The following STXBP5L variants were observed in gnomAD, a reference collection of about 807,000 sequenced individuals.
STXBP5L encodes the protein syntaxin binding protein 5L, also known as syntaxin-binding protein 5-like.
A neutral mutation model predicts 144.5 loss-of-function variants in STXBP5L; 65 were observed. The observed-to-expected ratio is 0.45, with a 90% CI of 0.37 to 0.55. STXBP5L has a LOEUF of 0.55. Ranked by LOEUF, STXBP5L falls within the 20% of genes least tolerant of loss-of-function variation. STXBP5L has a pLI of 0.00. For synonymous variants in STXBP5L, 505 were observed against 469.6 expected, an observed-to-expected ratio of 1.08 and a Z score of -0.97; for missense variants, 1,298 against 1,405.5, an observed-to-expected ratio of 0.92 and a Z score of 1.22.
At chr3:121,414,502 ATTTAT>A (rs1377701481) in intron 24 of STXBP5L, among the ~76,000 whole-genome samples, 1 of 152,126 alleles carries the variant, frequency 6.6e-6, no homozygotes, top group Non-Finnish European at 1.5e-5. Context: ...CTGGATATAT[ATTTAT>A]TTTGTGTGTC....
At chr3:121,202,735 T>C (rs190618633) in intron 9 of STXBP5L, among the ~76,000 whole-genome samples, 74 of 152,226 alleles carry the variant, frequency 4.9e-4, no homozygotes, top group African/African-American at 1.8e-3. Flanking sequence ...CACATTCCAT[T>C]GCCTTTCAGC....
chr3:121,399,595 G>C (rs1351774083), intron 22 of STXBP5L, among the ~76,000 whole-genome samples: 1 of 152,210 alleles, frequency 6.6e-6, no homozygotes, highest in Non-Finnish European at 1.5e-5. Context: ...GAAATGAAGG[G>C]ATGGGCTGAA....
rs899114447 is a variant in STXBP5L at position 121,250,815 on chromosome 3, T to C, written c.1441+52T>C. ...AAACCAATTGGTTAATATTTACTTA[T>C]AGCCAGCTACCACTTTTTAGTTTGG... is the stretch of plus-strand genomic sequence containing the variant. On this transcript the variant is annotated intron_variant, in intron 15 of 26. Coordinates refer to ENST00000471454, the MANE Select transcript of STXBP5L (RefSeq NM_001308330.2). The C allele has an allele frequency of 2.7e-6, 4 of 1,491,172 alleles. No homozygotes were observed. In the African/African-American group the frequency reaches 4.2e-5, roughly 16 times the overall value. The allele number at this position is 1,491,172 out of a possible 1,614,324, so 92.4% of individuals were successfully genotyped here.
At chr3:121,095,844 T>C (rs1256507289) in intron 5 of STXBP5L, among the ~76,000 whole-genome samples, 1 of 152,208 alleles carries the variant, frequency 6.6e-6, no homozygotes, top group Admixed American at 6.5e-5. Context: ...TGTGTTCCTT[T>C]GGAGGGGGAG....
At chr3:121,330,696 C>A (rs1205192711) in intron 20 of STXBP5L, among the ~76,000 whole-genome samples, 1 of 152,110 alleles carries the variant, frequency 6.6e-6, no homozygotes, top group African/African-American at 2.4e-5. Context: ...ACTAACACAG[C>A]CCACAACAGC....
At chr3:121,342,785 T>C (rs1293660185) in intron 20 of STXBP5L, among the ~76,000 whole-genome samples, 1 of 146,548 alleles carries the variant, frequency 6.8e-6, no homozygotes, top group African/African-American at 2.5e-5. Flanking sequence ...TTTGCTATTG[T>C]GAATAGTGCC....
intron 3 of STXBP5L, among the ~76,000 whole-genome samples, chr3:120,975,204 C>A (rs1940812675): frequency 6.6e-6 from 1 of 152,100 alleles, no homozygotes; most frequent in South Asian, 2.1e-4. Context: ...TTGGTTGTAT[C>A]CTCTTTTATT....
rs772727181 is a variant in STXBP5L at position 121,378,893 on chromosome 3, T to A, written c.2347+7T>A. On this transcript the variant is annotated splice_region_variant and intron_variant, in intron 21 of 26. Coordinates refer to ENST00000471454, the MANE Select transcript of STXBP5L (RefSeq NM_001308330.2). Reference sequence around the variant, plus strand: ...TTACCAGTTACAACAGAAGGTATGTTAAACATATTAAATTTTTTTGTTACA... The same window carrying A: ...TTACCAGTTACAACAGAAGGTATGTAAAACATATTAAATTTTTTTGTTACA... 6.9e-6 allele frequency: 11 copies of A among 1,603,232 alleles called. No individual in the cohort carries two copies. In the South Asian group the frequency reaches 1.2e-4, roughly 18 times the overall value.
At chr3:121,089,328 C>T (rs933489347) in intron 5 of STXBP5L, among the ~76,000 whole-genome samples, 8 of 151,528 alleles carry the variant, frequency 5.3e-5, no homozygotes, top group Admixed American at 3.3e-4. Flanking sequence ...CTGATAATGT[C>T]ATAATTTCTT....
At chr3:120,908,667 G>A (rs1238825793) in intron 1 of STXBP5L, among the ~76,000 whole-genome samples, 1 of 151,454 alleles carries the variant, frequency 6.6e-6, no homozygotes, top group Non-Finnish European at 1.5e-5. Context: ...CGCCCAGCAG[G>A]CTGAGGCGGG....
intron 4 of STXBP5L, 53 bp downstream of exon 4, chr3:121,041,834 A>T (rs1576751310): frequency 4.3e-6 from 5 of 1,158,974 alleles, no homozygotes; most frequent in Non-Finnish European, 3.9e-6. Context: ...CTACACAGTG[A>T]ATCAGTTAAT....
intron 4 of STXBP5L, among the ~76,000 whole-genome samples, chr3:121,043,681 C>T (rs1947312863): frequency 6.6e-6 from 1 of 152,034 alleles, no homozygotes; most frequent in South Asian, 2.1e-4. Flanking sequence ...TGCACTCCAG[C>T]CTGGCAACAG....
chr3:120,963,933 A>T (rs1176287067), intron 3 of STXBP5L, among the ~76,000 whole-genome samples: 1 of 152,202 alleles, frequency 6.6e-6, no homozygotes, highest in South Asian at 2.1e-4. Context: ...GCTATTAATT[A>T]TTGCCTCAAT....
intron 20 of STXBP5L, among the ~76,000 whole-genome samples, chr3:121,351,340 C>G (rs1184757793): frequency 6.6e-6 from 1 of 152,034 alleles, no homozygotes; most frequent in African/African-American, 2.4e-5. Context: ...AGAGGAGTAC[C>G]CGGCCGTGTC....
chr3:120,980,704 A>C (rs1033452039), intron 3 of STXBP5L, among the ~76,000 whole-genome samples: 2 of 152,102 alleles, frequency 1.3e-5, no homozygotes, highest in Non-Finnish European at 2.9e-5. Flanking sequence ...ATTTACATTC[A>C]AGGTTAATAT....
At chr3:121,344,808 G>C (rs1254926019) in intron 20 of STXBP5L, among the ~76,000 whole-genome samples, 1 of 151,610 alleles carries the variant, frequency 6.6e-6, no homozygotes, top group Non-Finnish European at 1.5e-5. Context: ...GAAATCAATT[G>C]ATACTATACA....
At chr3:121,308,301 T>C (rs530978434) in intron 19 of STXBP5L, among the ~76,000 whole-genome samples, 2 of 152,266 alleles carry the variant, frequency 1.3e-5, no homozygotes, top group Admixed American at 6.5e-5. Context: ...CCAGCAAAAG[T>C]ATTTTTCAAA....
chr3:120,960,351 C>T (rs999837148), intron 3 of STXBP5L, among the ~76,000 whole-genome samples: 8 of 152,204 alleles, frequency 5.3e-5, no homozygotes, highest in Admixed American at 3.3e-4. Flanking sequence ...GTCAGTGTGG[C>T]GATTCCTCAG....
chr3:121,182,717 T>C (rs1489973195), intron 9 of STXBP5L, among the ~76,000 whole-genome samples: 1 of 152,154 alleles, frequency 6.6e-6, no homozygotes, highest in Non-Finnish European at 1.5e-5. Context: ...AAGCTGGTTC[T>C]TTGAAAAGAT....
Sources: gnomAD v4.1 joint callset for allele counts (sites outside exome capture counted in the v4.1 genomes callset) on GRCh38, gnomAD v4.1.1 for gene constraint, MANE v1.5 for transcripts, NCBI Gene and HGNC (gene_info 2026-07-23, HGNC 2026-07-21) for gene names.